PRKN: variants seen among roughly 807,000 people sequenced by gnomAD.
PRKN encodes parkin RBR E3 ubiquitin protein ligase, also known as E3 ubiquitin-protein ligase parkin.
PRKN carries 56 observed loss-of-function variants against 59.5 expected under a neutral mutation model. That is an observed-to-expected ratio of 0.94 (90% CI 0.76 to 1.18). The LOEUF is 1.18. Among genes scored for constraint, PRKN ranks in the 50% most tolerant of loss-of-function variants. The pLI is 0.00. For synonymous variants in PRKN, 250 were observed against 222.1 expected (o/e 1.13, Z -1.12); for missense variants, 657 against 596.4 (o/e 1.10, Z -1.06).
chr6:161,777,748 GATATAT>G (rs1013920509), intron 7 of PRKN, among the ~76,000 whole-genome samples: 1 of 124,650 alleles, frequency 8.0e-6, no homozygotes, highest in Non-Finnish European at 1.6e-5. Context: ...TGTATATATA[GATATAT>G]ATGTATATGT....
In PRKN at chr6:162,022,095, C is replaced by T. The variant is rs144518938; in HGVS notation, c.618+31996G>A. ...TACCACATTTTCTTTATCCAATCTA[C>T]CATTGATGGGCATTTAAGTTGATTT... On this transcript the variant is annotated intron_variant, in intron 5 of 11. Transcript: ENST00000366898. Among the ~76,000 whole-genome samples, 605 of 152,058 alleles carry T rather than the reference C, an allele frequency of 4.0e-3. 7 individuals are homozygous for T. The highest frequency in any genetic ancestry group is 0.014 in the African/African-American group (590 of 41,440).
In PRKN at chr6:161,548,069, T is replaced by C. The variant is rs926972595; in HGVS notation, c.1083+785A>G. Among the ~76,000 whole-genome samples the C allele has an allele frequency of 2.0e-5, 3 of 152,248 alleles. No individual in the cohort carries two copies. Among genetic ancestry groups the C allele is most frequent in the Admixed American group, 2.0e-4 (3 of 15,292 alleles). On this transcript the variant is annotated intron_variant, in intron 9 of 11. Transcript: ENST00000366898. The surrounding 1 kb of genome is among the most constrained non-coding windows in gnomAD (Gnocchi z 4.2). ...CACAAAACTCCTCATGAAGTTGCAA[T>C]TTTAAAAGAAATGTTTCTCATCAAA...
In PRKN at chr6:161,397,186, T is replaced by C. The variant is rs753289014; in HGVS notation, c.1084-10309A>G. Among the ~76,000 whole-genome samples, 7 of 152,206 alleles carry C rather than the reference T, an allele frequency of 4.6e-5. No homozygotes were observed. Among genetic ancestry groups the C allele is most frequent in the Non-Finnish European group, 1.0e-4 (7 of 68,044 alleles). On this transcript the variant is annotated intron_variant, in intron 9 of 11. Coordinates refer to ENST00000366898, the MANE Select transcript of PRKN (RefSeq NM_004562.3). The surrounding 1 kb of genome is among the most constrained non-coding windows in gnomAD (Gnocchi z 4.2). ...ATTTGTATCTTATTCATCTTTGTCT[T>C]CCCAAGATCCAGGTGCTAGAACATA...
intron 1 of PRKN, among the ~76,000 whole-genome samples, chr6:162,559,183 G>C (rs769211036): frequency 4.1e-5 from 6 of 147,878 alleles, no homozygotes; most frequent in Non-Finnish European, 7.4e-5. Flanking sequence ...TTGGTAAGTT[G>C]TATGAACATT....
intron 6 of PRKN, among the ~76,000 whole-genome samples, chr6:161,899,312 T>C (rs1777792214): frequency 6.6e-6 from 1 of 152,208 alleles, no homozygotes; most frequent in Admixed American, 6.5e-5. Context: ...TACAAATCAA[T>C]TTTTTACAAA....
chr6:162,719,327 C>T (rs1035429781), intron 1 of PRKN, among the ~76,000 whole-genome samples: 1 of 152,126 alleles, frequency 6.6e-6, no homozygotes. Flanking sequence ...CATGACCTCA[C>T]TTGTGCTTAA....
intron 4 of PRKN, among the ~76,000 whole-genome samples, chr6:162,062,979 A>G (rs1778162985): frequency 6.6e-6 from 1 of 152,208 alleles, no homozygotes; most frequent in South Asian, 2.1e-4. Context: ...CTCTGTAGCA[A>G]ATGTTGCTTG....
At chr6:162,661,596 T>C (rs1393826666) in intron 1 of PRKN, among the ~76,000 whole-genome samples, 1 of 152,178 alleles carries the variant, frequency 6.6e-6, no homozygotes, top group African/African-American at 2.4e-5. Flanking sequence ...AAACAGATTC[T>C]AAACTCTGCT....
In PRKN at chr6:161,480,236, C is replaced by A. The variant is rs6908193; in HGVS notation, c.1083+68618G>T. 9.7e-4 allele frequency among the ~76,000 whole-genome samples: 147 copies of A among 152,264 alleles called. 1 individual carries two copies. The South Asian group carries it at 0.01, about 11-fold the overall frequency. On this transcript the variant is annotated intron_variant, in intron 9 of 11. Transcript: ENST00000366898. The surrounding 1 kb of genome is among the most constrained non-coding windows in gnomAD (Gnocchi z 4.1). ...CAGTGCAAAACAAAGACACAGAGCCCCTTCTTCAAAAATGATTTAGCATTT... is the reference window on the plus strand; with the variant it reads ...CAGTGCAAAACAAAGACACAGAGCCACTTCTTCAAAAATGATTTAGCATTT...
chr6:162,434,059 T>G (rs1191146340), intron 2 of PRKN, among the ~76,000 whole-genome samples: 1 of 152,134 alleles, frequency 6.6e-6, no homozygotes, highest in East Asian at 1.9e-4. Context: ...AAACATTCCA[T>G]GCAAAATAAA....
intron 2 of PRKN, among the ~76,000 whole-genome samples, chr6:162,376,898 G>C (rs1277175446): frequency 1.3e-5 from 2 of 150,470 alleles, no homozygotes; most frequent in Non-Finnish European, 3.0e-5. Context: ...GGGAAAGAGA[G>C]AGGTAGGAAG....
rs1787250485 is a variant in PRKN at position 161,405,904 on chromosome 6, G to A, written c.1084-19027C>T. 1.3e-5 allele frequency among the ~76,000 whole-genome samples: 2 copies of A among 151,982 alleles called. No homozygotes were observed. Among genetic ancestry groups the A allele is most frequent in the South Asian group, 4.1e-4 (2 of 4,834 alleles). ...TGCTCCCACTAATTTGGAAAATGAT[G>A]CTTTTCTTTGCTGAAGAGGAATGTC... On this transcript the variant is annotated intron_variant, in intron 9 of 11. Transcript: ENST00000366898. This position sits in a 1 kb window ranked among gnomAD's most constrained non-coding sequence, Gnocchi z 5.1.
rs189055832 is a variant in PRKN, at chr6:161,369,200, G to A, written c.1168-8995C>T. Among the ~76,000 whole-genome samples the A allele has an allele frequency of 2.6e-5, 4 of 152,136 alleles. No individual in the cohort carries two copies. The highest frequency in any genetic ancestry group is 9.7e-5 in the African/African-American group (4 of 41,418). ...TAATGCTGATGTTTAAATCCTTCTG[G>A]AGTGATCTCAAGCAGTGGCTGGGTG... is the stretch of plus-strand genomic sequence containing the variant. On this transcript the variant is annotated intron_variant, in intron 10 of 11. Coordinates refer to ENST00000366898, the MANE Select transcript of PRKN (RefSeq NM_004562.3). The surrounding 1 kb of genome is among the most constrained non-coding windows in gnomAD (Gnocchi z 5.8).
intron 7 of PRKN, among the ~76,000 whole-genome samples, chr6:161,660,835 T>G (rs894438438): frequency 8.5e-5 from 13 of 152,276 alleles, no homozygotes; most frequent in Admixed American, 8.5e-4. Context: ...AGTTTGAACA[T>G]CCCATTGGAT....
In PRKN at chr6:161,785,772, C is replaced by T. The variant is rs1262180713; in HGVS notation, c.871G>A (p.Ala291Thr). The T allele has an allele frequency of 6.2e-7, 1 of 1,613,780 alleles. No individual in the cohort carries two copies. Among genetic ancestry groups the T allele is most frequent in the South Asian group, 1.1e-5 (1 of 90,982 alleles). ...TGGAGAGAAAACATGCTAGACTTAC[C>T]CACACAAGGCAGGGAGTAGCCAAGT... is the stretch of plus-strand genomic sequence containing the variant. ...PQLGYSLPCV[A>T]GCPNSLIKEL... The change falls in exon 7 of 12, where the codon GCT (alanine) becomes ACT (threonine). Residue 291 changes from alanine (A) to threonine (T), a missense_variant and splice_region_variant. By Grantham distance (58) the Ala-to-Thr change is moderately conservative (BLOSUM62 0). Coordinates refer to ENST00000366898, the MANE Select transcript of PRKN (RefSeq NM_004562.3).
chr6:161,565,410 T>G (rs941743858), intron 8 of PRKN, among the ~76,000 whole-genome samples: 2 of 152,110 alleles, frequency 1.3e-5, no homozygotes, highest in African/African-American at 4.8e-5. Context: ...ATTCTCATCT[T>G]GAATTGTAAT....
chr6:162,605,098 T>C lies in PRKN; in HGVS notation c.7+122564A>G, dbSNP rs560482488. On this transcript the variant is annotated intron_variant, in intron 1 of 11. Transcript: ENST00000366898. ...AAAAGTGATCTTTTCATTATCCTTT[T>C]ATAGGTGATAGAGAATCCTTTACTT... is the stretch of plus-strand genomic sequence containing the variant. 2.2e-4 allele frequency among the ~76,000 whole-genome samples: 33 copies of C among 152,274 alleles called. 1 individual carries two copies. The South Asian group carries it at 3.9e-3, about 18-fold the overall frequency.
chr6:162,211,109 G>A (rs949174035), intron 3 of PRKN, among the ~76,000 whole-genome samples: 5 of 152,170 alleles, frequency 3.3e-5, no homozygotes, highest in East Asian at 1.9e-4. Flanking sequence ...TTAACCACAT[G>A]ATAATAACCT....
intron 2 of PRKN, among the ~76,000 whole-genome samples, chr6:162,381,780 G>A (rs1414978232): frequency 6.6e-6 from 1 of 152,088 alleles, no homozygotes; most frequent in African/African-American, 2.4e-5. Flanking sequence ...ATAGCTGGGT[G>A]GATGAAGTGA....
Sources: allele counts gnomAD v4.1 joint callset (sites outside exome capture counted in the v4.1 genomes callset), GRCh38; gene constraint gnomAD v4.1.1; non-coding constraint Gnocchi (gnomAD v3.1); transcripts MANE v1.5; gene names NCBI Gene and HGNC (gene_info 2026-07-23, HGNC 2026-07-21).